Variants in STXBP5L observed in about 807,000 individuals in gnomAD.
The protein encoded by STXBP5L is syntaxin-binding protein 5-like.
In STXBP5L, 65 loss-of-function variants were observed where a neutral mutation model predicts 144.5. That is an observed-to-expected ratio of 0.45 (90% CI 0.37 to 0.55). The LOEUF (loss-of-function observed/expected upper bound fraction) is 0.55, where lower values mean the gene tolerates loss of function less well. STXBP5L is among the 20% of genes least tolerant of loss of function. STXBP5L has a pLI of 0.00. For missense variants in STXBP5L, 1,298 were observed against 1,405.5 expected (o/e 0.92, Z 1.22); for synonymous variants, 505 against 469.6 (o/e 1.08, Z -0.97).
At chr3:121,313,071 C>T (rs1386820546) in intron 19 of STXBP5L, among the ~76,000 whole-genome samples, 48 of 149,630 alleles carry the variant, frequency 3.2e-4, no homozygotes, top group African/African-American at 5.2e-4. Flanking sequence ...CCGGATGGGG[C>T]GGCTGGCCGG....
At chr3:121,376,951 G>C (rs1429631960) in intron 20 of STXBP5L, among the ~76,000 whole-genome samples, 1 of 152,142 alleles carries the variant, frequency 6.6e-6, no homozygotes, top group Admixed American at 6.5e-5. Context: ...CACGTCCCTT[G>C]TAAGTTGGAT....
At chr3:120,918,406 C>T (rs648570) in intron 2 of STXBP5L, among the ~76,000 whole-genome samples, 121,639 of 152,106 alleles carry the variant, frequency 0.8, 49,112 homozygotes, top group Admixed American at 0.84. Flanking sequence ...TTATGGAAAA[C>T]TTTAAACACA....
At chr3:121,075,376 C>T (rs141776067) in intron 5 of STXBP5L, among the ~76,000 whole-genome samples, 237 of 152,234 alleles carry the variant, frequency 1.6e-3, no homozygotes, top group Non-Finnish European at 3.0e-3. Context: ...CTCACAAAAC[C>T]GGTTTCTCTT....
At chr3:121,339,927 C>G (rs535485530) in intron 20 of STXBP5L, among the ~76,000 whole-genome samples, 40 of 151,930 alleles carry the variant, frequency 2.6e-4, no homozygotes, top group Admixed American at 2.4e-3. Flanking sequence ...AATGGAAATA[C>G]GTGTCATGCT....
intron 20 of STXBP5L, among the ~76,000 whole-genome samples, chr3:121,330,112 T>G (rs2108556139): frequency 6.6e-6 from 1 of 152,310 alleles, no homozygotes; most frequent in South Asian, 2.1e-4. Flanking sequence ...ATGGGCAGAC[T>G]GGGAGGGGCA....
intron 9 of STXBP5L, among the ~76,000 whole-genome samples, chr3:121,197,146 A>T (rs961117589): frequency 1.9e-4 from 29 of 152,212 alleles, no homozygotes; most frequent in Middle Eastern, 3.4e-3. Context: ...TTTGTTATTC[A>T]GTCAGATGTT....
chr3:121,348,971 G>A (rs988804229), intron 20 of STXBP5L, among the ~76,000 whole-genome samples: 7 of 152,012 alleles, frequency 4.6e-5, no homozygotes, highest in African/African-American at 1.7e-4. Flanking sequence ...GTTCTGCTCT[G>A]ATGTTAGTTA....
chr3:121,248,152 C>T (rs1306239830), intron 14 of STXBP5L, among the ~76,000 whole-genome samples: 1 of 152,102 alleles, frequency 6.6e-6, no homozygotes, highest in Non-Finnish European at 1.5e-5. Flanking sequence ...CAATCTCTGT[C>T]TCCTGAGCTC....
chr3:120,985,397 G>C (rs1171190997), intron 3 of STXBP5L, among the ~76,000 whole-genome samples: 1 of 151,974 alleles, frequency 6.6e-6, no homozygotes, highest in Non-Finnish European at 1.5e-5. Context: ...AACATATCCA[G>C]CACCTGAAAT....
chr3:121,208,136 T>C (rs2048411999), intron 10 of STXBP5L, among the ~76,000 whole-genome samples: 1 of 152,124 alleles, frequency 6.6e-6, no homozygotes. Flanking sequence ...ATATACACCA[T>C]GGAATACTAT....
At chr3:121,352,889 G>A (rs2045350787) in intron 20 of STXBP5L, among the ~76,000 whole-genome samples, 1 of 152,156 alleles carries the variant, frequency 6.6e-6, no homozygotes, top group Admixed American at 6.5e-5. Context: ...TTCTTAGCAT[G>A]AAGGGCTGTT....
chr3:121,170,080 G>T (rs888770303), intron 9 of STXBP5L, among the ~76,000 whole-genome samples: 1 of 151,900 alleles, frequency 6.6e-6, no homozygotes, highest in African/African-American at 2.4e-5. Context: ...ACTTAACAAC[G>T]TGCTCCTGAC....
intron 22 of STXBP5L, among the ~76,000 whole-genome samples, chr3:121,397,526 C>T (rs1356881365): frequency 1.3e-5 from 2 of 152,154 alleles, no homozygotes; most frequent in East Asian, 1.9e-4. Flanking sequence ...GGTATAGGTT[C>T]TGGACGCTTA....
chr3:121,022,197 A>C (rs776943229), intron 3 of STXBP5L, among the ~76,000 whole-genome samples: 1 of 152,126 alleles, frequency 6.6e-6, no homozygotes, highest in Admixed American at 6.5e-5. Flanking sequence ...GGAAATACAC[A>C]AACCTCTTAG....
At chr3:121,316,395 C>T (rs2043790346) in intron 19 of STXBP5L, among the ~76,000 whole-genome samples, 1 of 152,160 alleles carries the variant, frequency 6.6e-6, no homozygotes. Flanking sequence ...AGCTCTTTAA[C>T]CACCAAATTT....
chr3:121,134,593 C>T (rs2045156495), intron 7 of STXBP5L, among the ~76,000 whole-genome samples: 1 of 151,014 alleles, frequency 6.6e-6, no homozygotes. Flanking sequence ...GTGTGATGTT[C>T]CCCTTCCTGT....
chr3:121,330,867 G>GT (rs1163602288), intron 20 of STXBP5L, among the ~76,000 whole-genome samples: 9 of 152,318 alleles, frequency 5.9e-5, no homozygotes, highest in African/African-American at 1.9e-4. Context: ...AGCCAACACA[G>GT]TAAGCCTATT....
At chr3:121,000,719 C>G (rs1396440263) in intron 3 of STXBP5L, among the ~76,000 whole-genome samples, 1 of 152,210 alleles carries the variant, frequency 6.6e-6, no homozygotes, top group Non-Finnish European at 1.5e-5. Context: ...AGGTCTTGCA[C>G]TGATTCTCAT....
intron 3 of STXBP5L, among the ~76,000 whole-genome samples, chr3:121,029,779 C>G (rs990578264): frequency 1.3e-5 from 2 of 151,514 alleles, no homozygotes; most frequent in Non-Finnish European, 2.9e-5. Flanking sequence ...TTGAATCTAT[C>G]CATCTGACAA....
Sources: gnomAD v4.1 joint callset for allele counts (sites outside exome capture counted in the v4.1 genomes callset) on GRCh38, gnomAD v4.1.1 for gene constraint, MANE v1.5 for transcripts, NCBI Gene and HGNC (gene_info 2026-07-23, HGNC 2026-07-21) for gene names.